TMEM117: variants seen among roughly 807,000 people sequenced by gnomAD.
TMEM117 encodes the protein transmembrane protein 117.
A neutral mutation model predicts 52.4 loss-of-function variants in TMEM117; 27 were observed. The observed-to-expected ratio is 0.51, with a 90% confidence interval of 0.38 to 0.71. The LOEUF (loss-of-function observed/expected upper bound fraction) is 0.71. TMEM117 is among the 30% of genes least tolerant of loss of function. The probability of loss-of-function intolerance (pLI) is 0.00; values close to 1 mark genes in which losing one functional copy is unlikely to be tolerated. For missense variants in TMEM117, 556 were observed against 630.5 expected (o/e 0.88, Z 1.26); for synonymous variants, 215 against 206.3 (o/e 1.04, Z -0.36).
intron 3 of TMEM117, among the ~76,000 whole-genome samples, chr12:43,975,618 A>G (rs1945659464): frequency 1.3e-5 from 2 of 152,178 alleles, no homozygotes; most frequent in South Asian, 4.1e-4. Flanking sequence ...GAGTTTTCCT[A>G]GGTATAAAGT....
At chr12:44,230,684 T>A (rs1338860022) in intron 5 of TMEM117, among the ~76,000 whole-genome samples, 1 of 152,018 alleles carries the variant, frequency 6.6e-6, no homozygotes, top group Non-Finnish European at 1.5e-5. Context: ...ATCAATTGGC[T>A]CCCCTGTGCT....
chr12:44,019,002 G>C (rs1333925760), intron 3 of TMEM117, among the ~76,000 whole-genome samples: 1 of 152,088 alleles, frequency 6.6e-6, no homozygotes, highest in Non-Finnish European at 1.5e-5. Context: ...GTGCCCAGCC[G>C]ATTAACTCTA....
chr12:44,018,056 G>A (rs868838973), intron 3 of TMEM117, among the ~76,000 whole-genome samples: 2 of 152,006 alleles, frequency 1.3e-5, no homozygotes, highest in Admixed American at 1.3e-4. Context: ...TTTGGTATGT[G>A]CTGGCTGCTC....
chr12:44,022,233 A>C (rs1426737704), intron 3 of TMEM117, among the ~76,000 whole-genome samples: 1 of 152,204 alleles, frequency 6.6e-6, no homozygotes, highest in African/African-American at 2.4e-5. Flanking sequence ...CAAGCCATTT[A>C]GCCTCTCTGA....
intron 5 of TMEM117, among the ~76,000 whole-genome samples, chr12:44,294,403 C>T (rs553898259): frequency 6.6e-6 from 1 of 152,292 alleles, no homozygotes; most frequent in South Asian, 2.1e-4. Flanking sequence ...AATTTAATGC[C>T]TTTTCCATCT....
intron 5 of TMEM117, among the ~76,000 whole-genome samples, chr12:44,286,871 A>C (rs74084469): frequency 6.6e-6 from 1 of 152,148 alleles, no homozygotes; most frequent in Non-Finnish European, 1.5e-5. Flanking sequence ...AACAGAAAAA[A>C]GGTGGTCTAC....
chr12:43,846,911 A>G (rs943806524), intron 2 of TMEM117, among the ~76,000 whole-genome samples: 1 of 152,202 alleles, frequency 6.6e-6, no homozygotes, highest in African/African-American at 2.4e-5. Context: ...AATTATTGCC[A>G]TCTGTTTCTA....
chr12:44,206,711 A>G (rs538754137), intron 4 of TMEM117, among the ~76,000 whole-genome samples: 1 of 152,302 alleles, frequency 6.6e-6, no homozygotes, highest in East Asian at 1.9e-4. Context: ...TTAATAAAGG[A>G]ACAGAAAACC....
At chr12:43,844,172 C>G (rs573716083) in intron 1 of TMEM117, among the ~76,000 whole-genome samples, 6 of 152,168 alleles carry the variant, frequency 3.9e-5, no homozygotes, top group African/African-American at 1.4e-4. Flanking sequence ...ACAGAAAATA[C>G]AAAAGTTAAC....
chr12:44,388,106 C>A lies in TMEM117; in HGVS notation c.979C>A (p.Pro327Thr). The stretch of plus-strand genomic sequence containing the variant: ...GTGGAAGAACCAAATATTTTATAAA[C>A]CTCATGAATATGGGCAATATATCGG... ...NMWKNQIFYK[P>T]HEYGQYIGPG... Residue 327 changes from proline to threonine, a missense_variant, in exon 8 of 8, where the codon CCT (proline) becomes ACT (threonine). Pro to Thr is a conservative substitution (Grantham distance 38). Around this residue, in one of 3 missense-constraint regions of TMEM117, gnomAD observed 22 missense variants for 48.1 expected, o/e 0.46. Coordinates refer to ENST00000266534, the MANE Select transcript of TMEM117 (RefSeq NM_032256.3). 1 of 1,612,820 alleles carries A rather than the reference C, an allele frequency of 6.2e-7. No homozygotes were observed. Among genetic ancestry groups the A allele is most frequent in the Non-Finnish European group, 8.5e-7 (1 of 1,179,380 alleles).
chr12:43,925,732 A>G (rs573913427), intron 2 of TMEM117, among the ~76,000 whole-genome samples: 25 of 152,218 alleles, frequency 1.6e-4, no homozygotes, highest in African/African-American at 5.8e-4. Context: ...TATGAATTAT[A>G]TATATTTATC....
the TMEM117 span, among the ~76,000 whole-genome samples, chr12:43,816,834 C>G: frequency 6.6e-6 from 1 of 152,102 alleles, no homozygotes; most frequent in Non-Finnish European, 1.5e-5. Flanking sequence ...AATATGATGC[C>G]AGCATTAATT....
chr12:43,906,519 G>A lies in TMEM117; in HGVS notation c.278-37691G>A, dbSNP rs147044899. Among the ~76,000 whole-genome samples, 178 of 151,814 alleles carry A rather than the reference G, an allele frequency of 1.2e-3. 1 individual carries two copies. In the Middle Eastern group the frequency reaches 0.014, roughly 12 times the overall value. On this transcript the variant is annotated intron_variant, in intron 2 of 7. Coordinates refer to ENST00000266534, the MANE Select transcript of TMEM117 (RefSeq NM_032256.3). ...AAGATGGCCGAATAGGAACAGCTCC[G>A]GTCTACAGCTCCCAGCGTGAGCGAT...
intron 3 of TMEM117, 121 bp from the exon 4 acceptor site, chr12:44,143,404 G>A: frequency 1.6e-6 from 1 of 620,348 alleles, no homozygotes; most frequent in Non-Finnish European, 2.7e-6. Context: ...ATATGTGATG[G>A]GACAAGAGCC....
intron 2 of TMEM117, among the ~76,000 whole-genome samples, chr12:43,862,953 G>A (rs1013866432): frequency 2.0e-5 from 3 of 152,022 alleles, no homozygotes; most frequent in Admixed American, 6.6e-5. Flanking sequence ...GTGACACTGC[G>A]AGACTCTGTC....
chr12:44,152,786 C>A (rs543386577), intron 4 of TMEM117, among the ~76,000 whole-genome samples: 1 of 133,738 alleles, frequency 7.5e-6, no homozygotes, highest in Admixed American at 8.0e-5. Flanking sequence ...AATATGGTGT[C>A]ACATAAATAT....
intron 2 of TMEM117, among the ~76,000 whole-genome samples, chr12:43,934,711 C>T (rs185107031): frequency 2.6e-5 from 4 of 152,076 alleles, no homozygotes; most frequent in East Asian, 1.9e-4. Context: ...AGTGAATAGC[C>T]GACATTTCTT....
Position 44,388,594 on chromosome 12 carries a change from C to T in TMEM117, c.1467C>T (p.Ser489=). Residue 489 remains serine, a synonymous_variant, in exon 8 of 8, where the codon AGC becomes AGT. Coordinates refer to ENST00000266534, the MANE Select transcript of TMEM117 (RefSeq NM_032256.3). ...KSSHLTSENL[S]SQLNESTSAT... The stretch of plus-strand genomic sequence containing the variant: ...CCCACCTAACCTCGGAAAACTTGAG[C>T]TCACAGTTGAACGAATCTACTAGTG... The T allele has an allele frequency of 1.9e-6, 3 of 1,613,526 alleles. No individual in the cohort carries two copies. The highest frequency in any genetic ancestry group is 2.5e-6 in the Non-Finnish European group (3 of 1,179,602).
chr12:43,850,380 C>T (rs982748062), intron 2 of TMEM117, among the ~76,000 whole-genome samples: 4 of 152,116 alleles, frequency 2.6e-5, no homozygotes, highest in South Asian at 2.1e-4. Flanking sequence ...GATTGATATC[C>T]GAAGCTATTT....
Sources: gnomAD v4.1 joint callset for allele counts (sites outside exome capture counted in the v4.1 genomes callset) on GRCh38, gnomAD v4.1.1 for gene constraint, gnomAD v4.1.1 regional missense constraint, MANE v1.5 for transcripts, NCBI Gene and HGNC (gene_info 2026-07-23, HGNC 2026-07-21) for gene names.